ANO6: variants seen among roughly 807,000 people sequenced by gnomAD.
The protein encoded by ANO6 is anoctamin-6.
ANO6 carries 106 observed loss-of-function variants against 117.5 expected under a neutral mutation model. The ratio of observed to expected loss-of-function variants is 0.90; its 90% confidence interval spans 0.77 to 1.06. The LOEUF is 1.06. Ranked by LOEUF, ANO6 falls within the 50% of genes least tolerant of loss-of-function variation. The pLI, the probability that ANO6 is intolerant of heterozygous loss-of-function variation, is 0.00. For synonymous variants in ANO6, 367 were observed against 385.1 expected, an observed-to-expected ratio of 0.95 and a Z score of 0.55; for missense variants, 955 against 1,121.1, an observed-to-expected ratio of 0.85 and a Z score of 2.12.
At chr12:45,250,334 T>G (rs895990894) in intron 1 of ANO6, among the ~76,000 whole-genome samples, 1 of 152,198 alleles carries the variant, frequency 6.6e-6, no homozygotes, top group Non-Finnish European at 1.5e-5. Context: ...TTTCCCAATT[T>G]CATCTAAAGA....
chr12:45,374,895 G>T (rs1256613728), intron 9 of ANO6, among the ~76,000 whole-genome samples: 2 of 152,058 alleles, frequency 1.3e-5, no homozygotes, highest in Non-Finnish European at 2.9e-5. Context: ...ATTCAATTAG[G>T]AAAAGAGGAA....
chr12:45,260,942 C>T (rs953247929), intron 1 of ANO6, among the ~76,000 whole-genome samples: 6 of 151,642 alleles, frequency 4.0e-5, no homozygotes, highest in East Asian at 2.0e-4. Flanking sequence ...CATGTGCCAC[C>T]GCAACCGGCT....
At chr12:45,283,468 G>C (rs908453189) in intron 1 of ANO6, among the ~76,000 whole-genome samples, 2 of 152,220 alleles carry the variant, frequency 1.3e-5, no homozygotes, top group African/African-American at 4.8e-5. Context: ...AAAGTCCTCA[G>C]TTACTGCTGT....
At chr12:45,301,056 GA>G (rs570867031) in intron 1 of ANO6, among the ~76,000 whole-genome samples, 42 of 152,296 alleles carry the variant, frequency 2.8e-4, no homozygotes, top group African/African-American at 8.7e-4. Context: ...TTGAGCTTTT[GA>G]AATGTGGCTA....
At chr12:45,249,009 A>C (rs753941173) in intron 1 of ANO6, among the ~76,000 whole-genome samples, 11 of 149,562 alleles carry the variant, frequency 7.4e-5, no homozygotes, top group Admixed American at 2.7e-4. Context: ...GTGGTGTAGC[A>C]TGTTACTCAG....
intron 2 of ANO6, among the ~76,000 whole-genome samples, chr12:45,317,834 C>T (rs568588285): frequency 3.9e-5 from 6 of 152,170 alleles, no homozygotes; most frequent in Admixed American, 2.0e-4. Flanking sequence ...TGAGATGATA[C>T]CTCACTGTGG....
At chr12:45,249,885 G>A (rs1001735332) in intron 1 of ANO6, among the ~76,000 whole-genome samples, 6 of 152,134 alleles carry the variant, frequency 3.9e-5, no homozygotes, top group Admixed American at 2.0e-4. Flanking sequence ...TTCATTAACA[G>A]TTTAATGAAC....
chr12:45,217,875 A>G (rs1388395117), intron 1 of ANO6, among the ~76,000 whole-genome samples: 1 of 152,254 alleles, frequency 6.6e-6, no homozygotes, highest in Non-Finnish European at 1.5e-5. Flanking sequence ...TGCACTGTTT[A>G]TAATGAGTAT....
chr12:45,423,739 A>G (rs1240019651), intron 19 of ANO6, among the ~76,000 whole-genome samples: 1 of 152,198 alleles, frequency 6.6e-6, no homozygotes, highest in African/African-American at 2.4e-5. Flanking sequence ...GCTCTCATAT[A>G]TGTGTCCCCT....
At chr12:45,410,126 TG>T (rs145639598) in intron 16 of ANO6, among the ~76,000 whole-genome samples, 4,184 of 152,298 alleles carry the variant, frequency 0.027, 192 homozygotes, top group African/African-American at 0.095. Flanking sequence ...TGTAATTAGA[TG>T]TGATTCAGCT....
chr12:45,390,303 CTA>C, intron 11 of ANO6, 116 bp from the exon 12 acceptor site: 2 of 861,888 alleles, frequency 2.3e-6, no homozygotes, highest in Non-Finnish European at 2.0e-6. Context: ...AGTAAGGAGA[CTA>C]TGCTTGCAAA....
intron 16 of ANO6, among the ~76,000 whole-genome samples, chr12:45,416,436 G>A (rs1459319112): frequency 6.6e-6 from 1 of 152,106 alleles, no homozygotes; most frequent in African/African-American, 2.4e-5. Context: ...AATAATTCTG[G>A]TTGACTAAAG....
chr12:45,403,786 A>C (rs1327741310), intron 15 of ANO6, among the ~76,000 whole-genome samples: 18 of 152,220 alleles, frequency 1.2e-4, no homozygotes, highest in Non-Finnish European at 7.3e-5. Flanking sequence ...GCTAGAGTTT[A>C]TACCTACTGG....
intron 1 of ANO6, among the ~76,000 whole-genome samples, chr12:45,297,225 C>G (rs1939323833): frequency 6.6e-6 from 1 of 152,132 alleles, no homozygotes; most frequent in Admixed American, 6.6e-5. Flanking sequence ...CAACCAATCC[C>G]TGTAACAGAT....
chr12:45,305,181 G>T (rs888379065), intron 2 of ANO6, among the ~76,000 whole-genome samples: 4 of 152,166 alleles, frequency 2.6e-5, no homozygotes, highest in Non-Finnish European at 4.4e-5. Flanking sequence ...GTTGAAACTA[G>T]AAACTGTGAC....
chr12:45,344,963 A>G (rs1941087495), intron 3 of ANO6, among the ~76,000 whole-genome samples: 1 of 152,110 alleles, frequency 6.6e-6, no homozygotes, highest in Non-Finnish European at 1.5e-5. Flanking sequence ...GGGAACAGTC[A>G]CTTTTGGGGA....
chr12:45,432,953 G>A (rs1943664388), downstream of ANO6, among the ~76,000 whole-genome samples: 1 of 152,164 alleles, frequency 6.6e-6, no homozygotes, highest in Non-Finnish European at 1.5e-5. Flanking sequence ...AGCCCAGAGA[G>A]CCAGCCTGCA....
At chr12:45,370,805 C>T (rs534667640) in intron 9 of ANO6, among the ~76,000 whole-genome samples, 3 of 152,260 alleles carry the variant, frequency 2.0e-5, no homozygotes, top group East Asian at 3.9e-4. Context: ...AGAGCAGGCA[C>T]GCATTTATTG....
At chr12:45,388,338 A>G (rs773648861) in intron 11 of ANO6, 35 bp downstream of exon 11, 2 of 1,612,478 alleles carry the variant, frequency 1.2e-6, no homozygotes, top group Admixed American at 1.7e-5. Flanking sequence ...AGTTTAATCT[A>G]CTTACTGCTG....
Sources: allele counts gnomAD v4.1 joint callset (sites outside exome capture counted in the v4.1 genomes callset), GRCh38; gene constraint gnomAD v4.1.1; transcripts MANE v1.5; gene names NCBI Gene and HGNC (gene_info 2026-07-23, HGNC 2026-07-21).